The following MMP1 variants were observed in gnomAD, a reference collection of about 807,000 sequenced individuals.
MMP1 encodes interstitial collagenase.
A neutral mutation model predicts 49.6 loss-of-function variants in MMP1; 51 were observed. The observed-to-expected ratio is 1.03, with a 90% confidence interval of 0.82 to 1.30. The LOEUF is 1.30. MMP1 is among the 50% of genes most tolerant of loss of function. The pLI, the probability that MMP1 is intolerant of heterozygous loss-of-function variation, is 0.00. For synonymous variants in MMP1, 230 were observed against 196.8 expected (o/e 1.17, Z -1.41); for missense variants, 623 against 568.7 (o/e 1.10, Z -0.97).
chr11:102,793,045 ATTT>A (rs1484371467), intron 6 of MMP1: 17 of 178,780 alleles, frequency 9.5e-5, no homozygotes, highest in Non-Finnish European at 3.5e-5. Context: ...AAACTGATGA[ATTT>A]TTATTATTTT....
At position 102,795,475 on chromosome 11, in the gene MMP1, A is replaced by G; in HGVS notation, c.758T>C (p.Ile253Thr). ...SGDVQLAQDD[I>T]DGIQAIYGRS... is the part of the protein sequence containing the mutation. ...ACCATATATGGCTTGGATGCCATCA[A>G]TGTCATCCTGAGCTAGCTGAACATC... The change falls in exon 5 of 10, where the codon ATT becomes ACT. Residue 253 changes from isoleucine (I) to threonine (T), a missense_variant. Transcript: ENST00000315274. 6.2e-7 allele frequency: 1 copy of G among 1,613,948 alleles called. No individual in the cohort carries two copies. The highest frequency in any genetic ancestry group is 8.5e-7 in the Non-Finnish European group (1 of 1,179,990).
At chr11:102,792,927 T>C (rs1259852802) in intron 6 of MMP1, among the ~76,000 whole-genome samples, 189 bp from the exon 7 acceptor site, 1 of 152,136 alleles carries the variant, frequency 6.6e-6, no homozygotes, top group East Asian at 1.9e-4. Context: ...CCCATTATGA[T>C]GAATTTCAAG....
intron 8 of MMP1, 22 bp downstream of exon 8, chr11:102,791,311 C>T (rs765368406): frequency 3.1e-6 from 5 of 1,613,338 alleles, no homozygotes; most frequent in Non-Finnish European, 4.2e-6. Context: ...GAGGCCCTAA[C>T]ATTCTCTGCA....
Position 102,798,147 on chromosome 11 carries a change from T to A in MMP1, c.-55A>T, listed in dbSNP as rs1437022574. On this transcript the variant is annotated 5_prime_UTR_variant, in exon 1 of 10. Coordinates refer to ENST00000315274, the MANE Select transcript of MMP1 (RefSeq NM_002421.4). ...GGTAAGTGATGGCTTCCCAGCCTCTTGCTGCTCCAATATCCCAGCTAGGAA... is the reference window on the plus strand; with the variant it reads ...GGTAAGTGATGGCTTCCCAGCCTCTAGCTGCTCCAATATCCCAGCTAGGAA... 6.9e-7 allele frequency: 1 copy of A among 1,449,648 alleles called. No individual in the cohort carries two copies. 89.8% of individuals were successfully genotyped at this position (1,449,648 alleles called of 1,614,324 possible). A position where few individuals can be genotyped will look rare whatever the true frequency, so the allele number is the denominator to read the frequency against.
Position 102,795,753 on chromosome 11 carries a change from C to T in MMP1, c.626-146G>A, listed in dbSNP as rs544791958. ...AATATATGCATGTATATCTTTTTTC[C>T]GAAGGCAGAAGGCATGCATTTATTA... On this transcript the variant is annotated intron_variant, in intron 4 of 9. Transcript: ENST00000315274. 121 of 667,828 alleles carry T rather than the reference C, an allele frequency of 1.8e-4. 1 individual carries two copies. The South Asian group carries it at 2.3e-3, about 12-fold the overall frequency. 41.4% of individuals were successfully genotyped at this position (667,828 alleles called of 1,614,324 possible).
In MMP1 at chr11:102,795,244, C is replaced by G. The variant is rs1006255556; in HGVS notation, c.829G>C (p.Ala277Pro). Residue 277 changes from alanine to proline, a missense_variant, in exon 6 of 10, where the codon GCG (alanine) becomes CCG (proline). By Grantham distance (27) the Ala-to-Pro change is conservative. Transcript: ENST00000315274. ...TCAAAGGTTAGCTTACTGTCACACG[C>G]TTTTGGGGTTTGTGGGCCGATGGGC... The part of the protein sequence containing the change: ...VQPIGPQTPK[A>P]CDSKLTFDAI... 1 of 1,613,956 alleles carries G rather than the reference C, an allele frequency of 6.2e-7. No homozygotes were observed. Among genetic ancestry groups the G allele is most frequent in the Non-Finnish European group, 8.5e-7 (1 of 1,180,014 alleles).
rs1299039709 is a variant in MMP1, at chr11:102,790,261, TA to T, written c.*150del. 3 of 521,066 alleles carry T rather than the reference TA, an allele frequency of 5.8e-6. No individual in the cohort carries two copies. Among genetic ancestry groups the T allele is most frequent in the Non-Finnish European group, 1.0e-5 (3 of 293,770 alleles). 32.3% of individuals were successfully genotyped at this position (521,066 alleles called of 1,614,324 possible). A position where few individuals can be genotyped will look rare whatever the true frequency, so the allele number is the denominator to read the frequency against. ...ACAAAAAGGGCTACATTCTAAATAG[TA>T]AAAAAATATGCAAACTGAGGTATAA... On this transcript the variant is annotated 3_prime_UTR_variant, in exon 10 of 10. Transcript: ENST00000315274.
chr11:102,795,471 A>G lies in MMP1; in HGVS notation c.762T>C (p.Asp254=). ...ACTCACCATATATGGCTTGGATGCCATCAATGTCATCCTGAGCTAGCTGAA... is the reference window on the plus strand; with the variant it reads ...ACTCACCATATATGGCTTGGATGCCGTCAATGTCATCCTGAGCTAGCTGAA... ...GDVQLAQDDI[D]GIQAIYGRSQ... is the part of the protein sequence containing the mutation. The change falls in exon 5 of 10, where the codon GAT becomes GAC. Residue 254 remains aspartate, a synonymous_variant. Transcript: ENST00000315274. 1 of 1,613,860 alleles carries G rather than the reference A, an allele frequency of 6.2e-7. No individual in the cohort carries two copies. The highest frequency in any genetic ancestry group is 8.5e-7 in the Non-Finnish European group (1 of 1,179,952).
intron 3 of MMP1, 35 bp downstream of exon 3, chr11:102,796,979 C>A (rs1327639991): frequency 6.3e-7 from 1 of 1,587,572 alleles, no homozygotes; most frequent in Non-Finnish European, 8.6e-7. Flanking sequence ...GATCTAGGGG[C>A]AAGGTGAGGT....
chr11:102,793,076 A>T (rs1021106200), intron 6 of MMP1: 2 of 158,728 alleles, frequency 1.3e-5, no homozygotes, highest in African/African-American at 4.8e-5. Flanking sequence ...TTTTATTTTA[A>T]TGTAATTTAA....
chr11:102,792,412 CT>C (rs1858054746), intron 7 of MMP1, among the ~76,000 whole-genome samples, 192 bp downstream of exon 7: 1 of 152,130 alleles, frequency 6.6e-6, no homozygotes, highest in Admixed American at 6.5e-5. Flanking sequence ...AGTCATTTGC[CT>C]TTTGTTTAAA....
chr11:102,790,937 G>A (rs926027037), intron 8 of MMP1, 131 bp from the exon 9 acceptor site: 1 of 643,952 alleles, frequency 1.6e-6, no homozygotes, highest in African/African-American at 1.8e-5. Context: ...GAAATGGGGA[G>A]TGGATGGGAT....
At position 102,790,768 on chromosome 11, in the gene MMP1, G is replaced by A; in HGVS notation, c.1235C>T (p.Pro412Leu). 6.2e-7 allele frequency: 1 copy of A among 1,613,082 alleles called. No individual in the cohort carries two copies. Among genetic ancestry groups the A allele is most frequent in the Non-Finnish European group, 8.5e-7 (1 of 1,179,220 alleles). Residue 412 changes from proline to leucine, a missense_variant, in exon 9 of 10, where the codon CCC becomes CTC. By Grantham distance (98) the Pro-to-Leu change is moderately conservative. Transcript: ENST00000315274. ...AGGAAAGTCATGTGCTATCATTTTG[G>A]GATAACCTGGATCCATAGATCGTTT... ...EYKRSMDPGY[P>L]KMIAHDFPGI...
chr11:102,795,716 A>G, intron 4 of MMP1, 109 bp from the exon 5 acceptor site: 2 of 972,802 alleles, frequency 2.1e-6, no homozygotes, highest in South Asian at 1.9e-5. Flanking sequence ...CTATTTTATC[A>G]GTGACTTTTG....
chr11:102,795,434 G>A lies in MMP1; in HGVS notation c.781+18C>T, dbSNP rs1163851094. 2.5e-6 allele frequency: 4 copies of A among 1,610,842 alleles called. No individual in the cohort carries two copies. In the African/African-American group the frequency reaches 4.0e-5, roughly 16 times the overall value. ...AGACCACCAGGCCCTTGTCCGTAAT[G>A]TTTTTCCCCATACTCACCATATATG... On this transcript the variant is annotated intron_variant, in intron 5 of 9. Coordinates refer to ENST00000315274, the MANE Select transcript of MMP1 (RefSeq NM_002421.4).
Position 102,794,781 on chromosome 11 carries a change from C to A in MMP1, c.899+393G>T, listed in dbSNP as rs1296242420. On this transcript the variant is annotated intron_variant, in intron 6 of 9. Coordinates refer to ENST00000315274, the MANE Select transcript of MMP1 (RefSeq NM_002421.4). This position sits in a 1 kb window ranked among gnomAD's most constrained non-coding sequence, Gnocchi z 4.3. ...AGGACCACTTTCTCCTAAGAAAGTCCAATGATACTTATCACCATAAAGAGT... is the reference window on the plus strand; with the variant it reads ...AGGACCACTTTCTCCTAAGAAAGTCAAATGATACTTATCACCATAAAGAGT... 6.6e-6 allele frequency among the ~76,000 whole-genome samples: 1 copy of A among 152,088 alleles called. No individual in the cohort carries two copies. Among genetic ancestry groups the A allele is most frequent in the African/African-American group, 2.4e-5 (1 of 41,410 alleles).
intron 1 of MMP1, 30 bp from the exon 2 acceptor site, chr11:102,797,530 A>G (rs752249165): frequency 1.9e-6 from 3 of 1,609,410 alleles, no homozygotes. Context: ...GAAACACTGC[A>G]TGGGAAATCT....
chr11:102,798,101 T>TA lies in MMP1; in HGVS notation c.-10_-9insT, dbSNP rs745486643. 5 of 1,602,890 alleles carry TA rather than the reference T, an allele frequency of 3.1e-6. No homozygotes were observed. Among genetic ancestry groups the TA allele is most frequent in the Non-Finnish European group, 4.2e-6 (5 of 1,178,392 alleles). On this transcript the variant is annotated 5_prime_UTR_variant, in exon 1 of 10. Transcript: ENST00000315274. ...GGAGGAAAGCTGTGCATACTGGCCT[T>TA]TGTCTTCTTTCTCAGTGCAAGGTAA... is the stretch of plus-strand genomic sequence containing the variant.
intron 6 of MMP1, 87 bp from the exon 7 acceptor site, chr11:102,792,825 G>T: frequency 7.9e-7 from 1 of 1,264,480 alleles, no homozygotes; most frequent in Non-Finnish European, 1.1e-6. Flanking sequence ...CTTGTTGCTG[G>T]CACTAGTGGT....
Sources: gnomAD v4.1 joint callset for allele counts (sites outside exome capture counted in the v4.1 genomes callset) on GRCh38, gnomAD v4.1.1 for gene constraint, Gnocchi (gnomAD v3.1) non-coding constraint, MANE v1.5 for transcripts, NCBI Gene and HGNC (gene_info 2026-07-23, HGNC 2026-07-21) for gene names.